GLIS1: variants seen among roughly 807,000 people sequenced by gnomAD.
GLIS1 encodes the protein GLIS family zinc finger 1.
Under a neutral mutation model 63.8 loss-of-function variants are expected in GLIS1, and 24 were observed. That is an observed-to-expected ratio of 0.38 (90% CI 0.27 to 0.53). The LOEUF (loss-of-function observed/expected upper bound fraction) is 0.53, where lower values mean the gene tolerates loss of function less well. Ranked by LOEUF, GLIS1 falls within the 20% of genes least tolerant of loss-of-function variation. The pLI, the probability that GLIS1 is intolerant of heterozygous loss-of-function variation, is 0.85. For synonymous variants in GLIS1, 450 were observed against 482.5 expected, an observed-to-expected ratio of 0.93 and a Z score of 0.88; for missense variants, 1,036 against 1,074.1, an observed-to-expected ratio of 0.96 and a Z score of 0.50.
chr1:53,558,399 T>G (rs1039008992), intron 4 of GLIS1, among the ~76,000 whole-genome samples: 10 of 152,234 alleles, frequency 6.6e-5, no homozygotes, highest in South Asian at 2.1e-4. Context: ...CCGGTTCCTC[T>G]GTGTGCATTC....
intron 8 of GLIS1, 103 bp downstream of exon 8, chr1:53,514,522 A>G (rs560996663): frequency 1.7e-6 from 2 of 1,170,588 alleles, no homozygotes; most frequent in East Asian, 5.0e-5. Context: ...TATTTTCATT[A>G]TCAGTAACAA....
Position 53,598,784 on chromosome 1 carries a change from T to G in GLIS1, c.437+1317A>C, listed in dbSNP as rs1645286835. On this transcript the variant is annotated intron_variant, in intron 3 of 10. Coordinates refer to ENST00000628545, the MANE Select transcript of GLIS1 (RefSeq NM_001367484.1). The surrounding 1 kb of genome is among the most constrained non-coding windows in gnomAD (Gnocchi z 4.6). Reference sequence around the variant, plus strand: ...ACACACCCAAAATCAGAAGTTTTACTAATATCAAAGGAAGCCAGAAGGAAT... The same window carrying G: ...ACACACCCAAAATCAGAAGTTTTACGAATATCAAAGGAAGCCAGAAGGAAT... Among the ~76,000 whole-genome samples the G allele has an allele frequency of 6.6e-6, 1 of 152,196 alleles. No individual in the cohort carries two copies. The highest frequency in any genetic ancestry group is 1.5e-5 in the Non-Finnish European group (1 of 68,032).
chr1:53,523,188 C>T (rs1644429270), intron 6 of GLIS1, among the ~76,000 whole-genome samples: 1 of 152,050 alleles, frequency 6.6e-6, no homozygotes, highest in South Asian at 2.1e-4. Flanking sequence ...GGCTAAAGCA[C>T]ATCCCCTCCC....
chr1:53,530,689 AG>A (rs1035913828), intron 4 of GLIS1, among the ~76,000 whole-genome samples: 3 of 152,180 alleles, frequency 2.0e-5, no homozygotes, highest in African/African-American at 7.2e-5. Flanking sequence ...TGTTCATTCA[AG>A]TCACTCAGCA....
intron 2 of GLIS1, among the ~76,000 whole-genome samples, chr1:53,676,696 G>A (rs1027712477): frequency 1.3e-5 from 2 of 152,014 alleles, no homozygotes; most frequent in African/African-American, 2.4e-5. Context: ...CCCAGCCCTC[G>A]GGCTGAGCCT....
At chr1:53,706,452 T>C (rs1646580159) in intron 2 of GLIS1, among the ~76,000 whole-genome samples, 1 of 152,234 alleles carries the variant, frequency 6.6e-6, no homozygotes, top group African/African-American at 2.4e-5. Flanking sequence ...TTCAGACCTC[T>C]ATGCAGCCTA....
In GLIS1 at chr1:53,594,470, G is replaced by C. The variant is rs140752554; in HGVS notation, c.958C>G (p.Leu320Val). 6.2e-7 allele frequency: 1 copy of C among 1,612,880 alleles called. No individual in the cohort carries two copies. Among genetic ancestry groups the C allele is most frequent in the African/African-American group, 1.3e-5 (1 of 74,960 alleles). Reference protein sequence around the residue: ...QLEACRKASFLKQEPADEFSE... With the variant: ...QLEACRKASFVKQEPADEFSE... ...AACTCATCCGCGGGTTCCTGCTTCA[G>C]GAAGCTCGCCTTCCGGCAGGCTTCA... Residue 320 changes from leucine to valine, a missense_variant, in exon 4 of 11, where the codon CTG becomes GTG. By Grantham distance (32) the Leu-to-Val change is conservative. Coordinates refer to ENST00000628545, the MANE Select transcript of GLIS1 (RefSeq NM_001367484.1).
chr1:53,533,053 A>G (rs1408849046), intron 4 of GLIS1, among the ~76,000 whole-genome samples: 1 of 152,258 alleles, frequency 6.6e-6, no homozygotes, highest in African/African-American at 2.4e-5. Flanking sequence ...ACAGTCCTGA[A>G]TTCTGTTAGG....
chr1:53,733,817 G>T, intron 2 of GLIS1: 2 of 691,534 alleles, frequency 2.9e-6, no homozygotes, highest in Non-Finnish European at 3.6e-6. Flanking sequence ...TTTCCGGATC[G>T]CAGGACCAGC....
intron 2 of GLIS1, among the ~76,000 whole-genome samples, chr1:53,733,268 ACT>A (rs755242024): frequency 1.3e-5 from 2 of 152,312 alleles, no homozygotes; most frequent in South Asian, 2.1e-4. Context: ...GAGATGAGTA[ACT>A]CTGAGATGAG....
At chr1:53,532,609 C>A (rs1018892855) in intron 4 of GLIS1, among the ~76,000 whole-genome samples, 1 of 152,228 alleles carries the variant, frequency 6.6e-6, no homozygotes, top group African/African-American at 2.4e-5. Context: ...TGGCCTTGTG[C>A]CAAGTTCACC....
At chr1:53,688,750 G>A (rs1646369858) in intron 2 of GLIS1, 3 of 152,180 alleles carry the variant, frequency 2.0e-5, no homozygotes, top group African/African-American at 7.2e-5. Flanking sequence ...TGTGTGGGGG[G>A]GGATGTTTTC....
chr1:53,579,157 T>C (rs1299705130), intron 4 of GLIS1, among the ~76,000 whole-genome samples: 1 of 152,216 alleles, frequency 6.6e-6, no homozygotes, highest in Non-Finnish European at 1.5e-5. Context: ...CTTTTAAATG[T>C]TTCTCATGGA....
chr1:53,680,646 TA>T (rs1480125675), intron 2 of GLIS1, among the ~76,000 whole-genome samples: 4 of 152,238 alleles, frequency 2.6e-5, no homozygotes, highest in Non-Finnish European at 5.9e-5. Flanking sequence ...GAGAAGGTTT[TA>T]AAACTCACGT....
intron 2 of GLIS1, among the ~76,000 whole-genome samples, chr1:53,681,655 A>G (rs1310674851): frequency 6.6e-6 from 1 of 152,188 alleles, no homozygotes; most frequent in Non-Finnish European, 1.5e-5. Flanking sequence ...TTCAAGGACT[A>G]CTAAGGAGAG....
intron 4 of GLIS1, among the ~76,000 whole-genome samples, chr1:53,568,957 T>C (rs937574326): frequency 4.6e-5 from 7 of 152,158 alleles, no homozygotes; most frequent in Admixed American, 3.9e-4. Context: ...ATCTAGACAA[T>C]GGAATATTAT....
At chr1:53,713,097 C>T (rs554216347) in intron 2 of GLIS1, among the ~76,000 whole-genome samples, 19 of 152,342 alleles carry the variant, frequency 1.2e-4, no homozygotes, top group South Asian at 4.1e-4. Context: ...AAAGTATAAA[C>T]GGAGACAGAG....
chr1:53,711,752 G>C (rs1431499839), intron 2 of GLIS1, among the ~76,000 whole-genome samples: 12 of 152,246 alleles, frequency 7.9e-5, no homozygotes, highest in Admixed American at 7.8e-4. Context: ...AGCAGTCATT[G>C]TTATCAGTTA....
intron 4 of GLIS1, among the ~76,000 whole-genome samples, chr1:53,549,061 T>C (rs1303969503): frequency 1.3e-5 from 2 of 152,242 alleles, no homozygotes; most frequent in African/African-American, 4.8e-5. Flanking sequence ...GACTGGCTTC[T>C]TTCACTAGCG....
Sources: gnomAD v4.1 joint callset for allele counts (sites outside exome capture counted in the v4.1 genomes callset) on GRCh38, gnomAD v4.1.1 for gene constraint, Gnocchi (gnomAD v3.1) non-coding constraint, MANE v1.5 for transcripts, NCBI Gene and HGNC (gene_info 2026-07-23, HGNC 2026-07-21) for gene names.